S100Z: variants seen among roughly 807,000 people sequenced by gnomAD.
S100Z encodes the protein protein S100-Z.
Under a neutral mutation model 8.5 loss-of-function variants are expected in S100Z, and 11 were observed. The observed-to-expected ratio is 1.30, with a 90% CI of 0.82 to 2.15. S100Z has a LOEUF of 2.15. S100Z is among the 30% of genes most tolerant of loss of function. The probability of loss-of-function intolerance (pLI) is 0.00; values close to 1 mark genes in which losing one functional copy is unlikely to be tolerated. For synonymous variants in S100Z, 34 were observed against 43.8 expected, an observed-to-expected ratio of 0.78 and a Z score of 0.89; for missense variants, 126 against 117.9, an observed-to-expected ratio of 1.07 and a Z score of -0.32.
intron 1 of S100Z, among the ~76,000 whole-genome samples, chr5:76,867,160 T>A (rs1742783414): frequency 6.6e-6 from 1 of 152,194 alleles, no homozygotes; most frequent in Non-Finnish European, 1.5e-5. Context: ...AAGTTTGACA[T>A]CTGTATACAC....
chr5:76,863,368 G>A (rs1325544947), intron 1 of S100Z, among the ~76,000 whole-genome samples: 1 of 152,176 alleles, frequency 6.6e-6, no homozygotes, highest in South Asian at 2.1e-4. Flanking sequence ...AAAGGAAAGG[G>A]AACTTCAAGG....
At chr5:76,857,275 G>A (rs1404044958) in intron 1 of S100Z, among the ~76,000 whole-genome samples, 1 of 151,842 alleles carries the variant, frequency 6.6e-6, no homozygotes, top group Non-Finnish European at 1.5e-5. Flanking sequence ...CTGGGCAACA[G>A]GCAAGACTCC....
In S100Z at chr5:76,887,986, G is replaced by A. The variant is rs574029113; in HGVS notation, c.*2+10152G>A. ...TATTAAGAAATTATTGGCCAGGCAC[G>A]GTGGCTCACATCTGTAATCCCAGCA... is the stretch of plus-strand genomic sequence containing the variant. On this transcript the variant is annotated intron_variant, in intron 4 of 4. Transcript: ENST00000317593. 5.3e-5 allele frequency among the ~76,000 whole-genome samples: 8 copies of A among 152,110 alleles called. No homozygotes were observed. The East Asian group carries it at 5.8e-4, about 11-fold the overall frequency.
the S100Z span, among the ~76,000 whole-genome samples, chr5:76,945,228 G>A: frequency 6.6e-6 from 1 of 152,184 alleles, no homozygotes. Context: ...CCATAAACCA[G>A]GGGCACAATG....
intron 4 of S100Z, among the ~76,000 whole-genome samples, chr5:76,880,112 A>G (rs1561233113): frequency 6.6e-6 from 1 of 152,208 alleles, no homozygotes; most frequent in Non-Finnish European, 1.5e-5. Flanking sequence ...GTACATTCTC[A>G]AGGATGGGGA....
At chr5:76,900,068 T>C (rs60950100) in intron 4 of S100Z, among the ~76,000 whole-genome samples, 24,119 of 152,190 alleles carry the variant, frequency 0.16, 5,502 homozygotes, top group African/African-American at 0.51. Context: ...CCATTCTCTC[T>C]TGGCCTGTAA....
At chr5:76,904,908 A>T (rs1744374094) in intron 4 of S100Z, among the ~76,000 whole-genome samples, 1 of 152,106 alleles carries the variant, frequency 6.6e-6, no homozygotes, top group African/African-American at 2.4e-5. Context: ...GAAAAAGTCA[A>T]ATTTATCAAA....
intron 1 of S100Z, among the ~76,000 whole-genome samples, chr5:76,866,376 C>T (rs1742735821): frequency 6.6e-6 from 1 of 152,170 alleles, no homozygotes; most frequent in Admixed American, 6.5e-5. Context: ...TGAGCCACCA[C>T]ACCTGGCCAT....
At chr5:76,947,586 G>A in the S100Z span, among the ~76,000 whole-genome samples, 1 of 152,110 alleles carries the variant, frequency 6.6e-6, no homozygotes, top group African/African-American at 2.4e-5. Flanking sequence ...AACAAAGCAC[G>A]AGGCACCACA....
intron 4 of S100Z, among the ~76,000 whole-genome samples, chr5:76,920,348 T>C (rs1246219229): frequency 2.0e-5 from 3 of 152,250 alleles, no homozygotes; most frequent in South Asian, 2.1e-4. Context: ...CTTTTTTATA[T>C]GTTTACTGGC....
At chr5:76,937,865 C>G in the S100Z span, among the ~76,000 whole-genome samples, 1 of 148,216 alleles carries the variant, frequency 6.7e-6, no homozygotes, top group Non-Finnish European at 1.5e-5. Context: ...TTCCCTTTTT[C>G]TTTTCTAGAA....
chr5:76,952,209 C>T, the S100Z span, among the ~76,000 whole-genome samples: 1 of 152,202 alleles, frequency 6.6e-6, no homozygotes, highest in South Asian at 2.1e-4. Context: ...ATAAAGCTTC[C>T]TGGCAGTTCC....
At chr5:76,897,822 A>T (rs1375845068) in intron 4 of S100Z, among the ~76,000 whole-genome samples, 1 of 152,044 alleles carries the variant, frequency 6.6e-6, no homozygotes, top group East Asian at 1.9e-4. Flanking sequence ...TGATTTTTGT[A>T]TGTTGATTTT....
chr5:76,904,014 C>A (rs2150672899), intron 4 of S100Z, among the ~76,000 whole-genome samples: 1 of 152,148 alleles, frequency 6.6e-6, no homozygotes, highest in East Asian at 1.9e-4. Flanking sequence ...GGATTACAGG[C>A]ATGAGCCACT....
At chr5:76,891,282 T>C (rs1431254556) in intron 4 of S100Z, among the ~76,000 whole-genome samples, 1 of 152,246 alleles carries the variant, frequency 6.6e-6, no homozygotes, top group African/African-American at 2.4e-5. Context: ...TTACCTGTGG[T>C]ATTTTTTAAA....
At chr5:76,860,900 A>G (rs1208410899) in intron 1 of S100Z, among the ~76,000 whole-genome samples, 2 of 152,248 alleles carry the variant, frequency 1.3e-5, no homozygotes, top group African/African-American at 2.4e-5. Context: ...TTTCTGGAAC[A>G]TTCTAATAGA....
chr5:76,859,146 G>T (rs1321735402), intron 1 of S100Z, among the ~76,000 whole-genome samples: 1 of 152,092 alleles, frequency 6.6e-6, no homozygotes, highest in Admixed American at 6.6e-5. Context: ...TAATCTGAAA[G>T]ATTATTAAAT....
At chr5:76,859,696 C>A (rs533359900) in intron 1 of S100Z, among the ~76,000 whole-genome samples, 5 of 142,710 alleles carry the variant, frequency 3.5e-5, no homozygotes, top group African/African-American at 1.3e-4. Flanking sequence ...GCAGAAGAAT[C>A]GCTTGAACCC....
At chr5:76,920,617 T>C (rs970514973) in intron 4 of S100Z, 100 bp from the exon 5 acceptor site, 4 of 152,222 alleles carry the variant, frequency 2.6e-5, no homozygotes, top group South Asian at 2.1e-4. Flanking sequence ...GATAAACTTA[T>C]AGTAAATGTG....
Sources: gnomAD v4.1 joint callset for allele counts (sites outside exome capture counted in the v4.1 genomes callset) on GRCh38, gnomAD v4.1.1 for gene constraint, MANE v1.5 for transcripts, NCBI Gene and HGNC (gene_info 2026-07-23, HGNC 2026-07-21) for gene names.